Variants in NEK4 observed in about 807,000 individuals in gnomAD.
NEK4 encodes the protein NIMA related kinase 4.
A neutral mutation model predicts 98.4 loss-of-function variants in NEK4; 86 were observed. That is an observed-to-expected ratio of 0.87 (90% CI 0.73 to 1.05). The LOEUF (loss-of-function observed/expected upper bound fraction) is 1.05, where lower values mean the gene tolerates loss of function less well. Ranked by LOEUF, NEK4 falls within the 50% of genes least tolerant of loss-of-function variation. NEK4 has a pLI of 0.00. For synonymous variants in NEK4, 328 were observed against 342.2 expected, an observed-to-expected ratio of 0.96 and a Z score of 0.46; for missense variants, 898 against 950.3, an observed-to-expected ratio of 0.94 and a Z score of 0.72.
In NEK4 at chr3:52,746,104, C is replaced by T. The variant is rs2097395636; in HGVS notation, c.1784G>A (p.Gly595Glu). Residue 595 changes from glycine to glutamate, a missense_variant, in exon 10 of 16, where the codon GGG becomes GAG. Transcript: ENST00000233027. ...EAENQRRVVT[G>E]SVSSSRSSEM... ...ACTGCTCCTTGAACTGCTCACAGAC[C>T]CAGTGACCACTCTACGTTGGTTTTC... 1 of 1,613,976 alleles carries T rather than the reference C, an allele frequency of 6.2e-7. No homozygotes were observed. The highest frequency in any genetic ancestry group is 8.5e-7 in the Non-Finnish European group (1 of 1,179,896).
At chr3:52,742,156 T>C (rs986616788) in intron 12 of NEK4, among the ~76,000 whole-genome samples, 1 of 152,124 alleles carries the variant, frequency 6.6e-6, no homozygotes, top group Non-Finnish European at 1.5e-5. Context: ...CTAGTTCTGG[T>C]TTATCAACTC....
At chr3:52,718,083 T>C (rs1038475110) in intron 15 of NEK4, among the ~76,000 whole-genome samples, 1 of 151,892 alleles carries the variant, frequency 6.6e-6, no homozygotes, top group African/African-American at 2.4e-5. Context: ...CGTGAGCTAC[T>C]GCACCTGGCC....
intron 15 of NEK4, among the ~76,000 whole-genome samples, chr3:52,729,885 T>G (rs976179427): frequency 6.6e-6 from 1 of 151,830 alleles, no homozygotes. Context: ...CCGAGGTAGG[T>G]GGATCACGAG....
chr3:52,712,915 G>C (rs996664704), intron 15 of NEK4, among the ~76,000 whole-genome samples: 9 of 152,120 alleles, frequency 5.9e-5, no homozygotes, highest in African/African-American at 2.2e-4. Flanking sequence ...GGTTTTTATA[G>C]GCACAGGATG....
rs919431818 is a variant in NEK4 at position 52,710,312 on chromosome 3, C to T, written c.*1465G>A. 1 of 151,050 alleles carries T rather than the reference C, an allele frequency of 6.6e-6. No homozygotes were observed. The highest frequency in any genetic ancestry group is 1.5e-5 in the Non-Finnish European group (1 of 67,970). 9.4% of individuals were successfully genotyped at this position (151,050 alleles called of 1,614,324 possible). ...CCTGGGAGGCGGAGCTTGCAGTGAT[C>T]TGAGATTGGGCCACTGCACTTCAGC... On this transcript the variant is annotated 3_prime_UTR_variant, in exon 16 of 16. Coordinates refer to ENST00000233027, the MANE Select transcript of NEK4 (RefSeq NM_003157.6).
In NEK4 at chr3:52,770,769, C is replaced by T; in HGVS notation, c.-23G>A. ...CATGTTCCCAGCGCTGGCCCAGAGT[C>T]GGGATGCGGCGGCAGCGGCGGGTAG... On this transcript the variant is annotated 5_prime_UTR_variant, in exon 1 of 16. Coordinates refer to ENST00000233027, the MANE Select transcript of NEK4 (RefSeq NM_003157.6). 6.5e-7 allele frequency: 1 copy of T among 1,545,820 alleles called. No homozygotes were observed. Among genetic ancestry groups the T allele is most frequent in the Non-Finnish European group, 8.7e-7 (1 of 1,144,898 alleles).
At position 52,739,491 on chromosome 3, in the gene NEK4, AGT is replaced by A; in HGVS notation, c.2235_2236del (p.Leu746AspfsTer16). The A allele has an allele frequency of 6.2e-7, 1 of 1,614,094 alleles. No individual in the cohort carries two copies. Among genetic ancestry groups the A allele is most frequent in the South Asian group, 1.1e-5 (1 of 91,080 alleles). On this transcript the variant is annotated frameshift_variant, in exon 14 of 16. Coordinates refer to ENST00000233027, the MANE Select transcript of NEK4 (RefSeq NM_003157.6). LOFTEE classifies it high-confidence loss of function. ...TTCTGCAACCTTCCCATGAAGTATC[AGT>A]GTGTCCCGATATTTCCGATGAAGTT...
At position 52,751,923 on chromosome 3, in the gene NEK4, A is replaced by G. The variant is rs1473810149; in HGVS notation, c.1368+9T>C. 16 of 1,609,616 alleles carry G rather than the reference A, an allele frequency of 9.9e-6. No individual in the cohort carries two copies. The highest frequency in any genetic ancestry group is 1.4e-5 in the Non-Finnish European group (16 of 1,177,934). ...CAAAACCAGTATCTCATGTGTGCAT[A>G]TCACTCACCTGGTCCTTTGGCTTTT... On this transcript the variant is annotated intron_variant, in intron 7 of 15. Coordinates refer to ENST00000233027, the MANE Select transcript of NEK4 (RefSeq NM_003157.6).
At chr3:52,743,848 T>C (rs142479574) in intron 11 of NEK4, among the ~76,000 whole-genome samples, 13 of 152,282 alleles carry the variant, frequency 8.5e-5, no homozygotes, top group Non-Finnish European at 1.6e-4. Flanking sequence ...AAAAGAATGA[T>C]AGCCCTCAGC....
At chr3:52,725,023 A>G (rs2097363231) in intron 15 of NEK4, among the ~76,000 whole-genome samples, 1 of 152,248 alleles carries the variant, frequency 6.6e-6, no homozygotes. Flanking sequence ...TATAAAAGCT[A>G]GTATTATTGT....
At chr3:52,725,526 CA>C (rs569943687) in intron 15 of NEK4, among the ~76,000 whole-genome samples, 3,617 of 121,482 alleles carry the variant, frequency 0.03, 142 homozygotes, top group African/African-American at 0.1. Flanking sequence ...AAAAACAAAA[CA>C]AAACAAAAAA....
intron 15 of NEK4, among the ~76,000 whole-genome samples, chr3:52,737,099 G>A (rs1002275804): frequency 1.3e-5 from 2 of 152,088 alleles, no homozygotes; most frequent in African/African-American, 4.8e-5. Context: ...ACCATGCCCA[G>A]CTAATTTTTA....
chr3:52,738,744 G>C (rs1399845785), intron 14 of NEK4, among the ~76,000 whole-genome samples: 1 of 152,080 alleles, frequency 6.6e-6, no homozygotes, highest in African/African-American at 2.4e-5. Context: ...ACCCAGCAGG[G>C]CTGTTTTTTT....
intron 4 of NEK4, among the ~76,000 whole-genome samples, chr3:52,764,711 T>A (rs1698485173): frequency 6.6e-6 from 1 of 151,906 alleles, no homozygotes; most frequent in South Asian, 2.1e-4. Flanking sequence ...TTATGTACCA[T>A]GTGAACAGCC....
Position 52,752,126 on chromosome 3 carries a change from C to G in NEK4, c.1174G>C (p.Asp392His). The G allele has an allele frequency of 6.2e-7, 1 of 1,614,178 alleles. No individual in the cohort carries two copies. The highest frequency in any genetic ancestry group is 1.3e-5 in the African/African-American group (1 of 75,032). ...ATACCTCCTAACTCATTAGAGGCAT[C>G]CAAATATCTTGGCTGATTCTCCTGA... Reference protein sequence around the residue: ...FVQENQPRYLDASNELGGICS... With the variant: ...FVQENQPRYLHASNELGGICS... Residue 392 changes from aspartate to histidine, a missense_variant, in exon 7 of 16, where the codon GAT becomes CAT. By Grantham distance (81) the Asp-to-His change is moderately conservative. Transcript: ENST00000233027.
chr3:52,744,553 G>A (rs1295180618), intron 10 of NEK4, among the ~76,000 whole-genome samples: 1 of 151,858 alleles, frequency 6.6e-6, no homozygotes, highest in Non-Finnish European at 1.5e-5. Context: ...GCATGGTGGT[G>A]CGTGCCTGTA....
intron 15 of NEK4, chr3:52,733,457 G>T: frequency 7.5e-6 from 3 of 402,232 alleles, no homozygotes; most frequent in South Asian, 6.2e-5. Flanking sequence ...CAAATGTAAT[G>T]AGTGTACAAG....
intron 1 of NEK4, 87 bp downstream of exon 1, chr3:52,770,567 C>G (rs1226192325): frequency 2.9e-6 from 3 of 1,024,318 alleles, no homozygotes; most frequent in Non-Finnish European, 4.4e-6. Flanking sequence ...GAGCCTCTTG[C>G]GACCACCCCC....
At chr3:52,756,348 T>C (rs1345938582) in intron 6 of NEK4, among the ~76,000 whole-genome samples, 1 of 152,164 alleles carries the variant, frequency 6.6e-6, no homozygotes, top group African/African-American at 2.4e-5. Context: ...TTTTAAAACA[T>C]ACCACAAAAC....
Sources: allele counts gnomAD v4.1 joint callset (sites outside exome capture counted in the v4.1 genomes callset), GRCh38; gene constraint gnomAD v4.1.1; transcripts MANE v1.5; gene names NCBI Gene and HGNC (gene_info 2026-07-23, HGNC 2026-07-21).